The following NTF3 variants were observed in gnomAD, a reference collection of about 807,000 sequenced individuals.
NTF3 encodes neurotrophin 3.
A neutral mutation model predicts 26.3 loss-of-function variants in NTF3; 8 were observed. The observed-to-expected ratio is 0.30, with a 90% CI of 0.18 to 0.55. The LOEUF (loss-of-function observed/expected upper bound fraction) is 0.55. Among genes scored for constraint, NTF3 ranks in the 20% least tolerant of loss-of-function variants. The pLI, the probability that NTF3 is intolerant of heterozygous loss-of-function variation, is 0.93. For missense variants in NTF3, 276 were observed against 352.9 expected (o/e 0.78, Z 1.75); for synonymous variants, 154 against 145.5 (o/e 1.06, Z -0.42).
intron 1 of NTF3, among the ~76,000 whole-genome samples, chr12:5,480,350 G>T (rs1238180250): frequency 1.3e-5 from 2 of 152,208 alleles, no homozygotes; most frequent in African/African-American, 4.8e-5. Flanking sequence ...AGCCTCGGGA[G>T]GAGGGGGAGC....
Position 5,494,727 on chromosome 12 carries a change from C to A in NTF3, c.552C>A (p.His184Gln). Reference sequence around the variant, plus strand: ...CATCGGCCATCGACATTCGGGGACACCAGGTCACGGTGCTGGGGGAGATCA... The same window carrying A: ...CATCGGCCATCGACATTCGGGGACAACAGGTCACGGTGCTGGGGGAGATCA... ...DKSSAIDIRG[H>Q]QVTVLGEIKT... Residue 184 changes from histidine (H) to glutamine (Q), a missense_variant, in exon 2 of 2, where the codon CAC (histidine) becomes CAA (glutamine). Coordinates refer to ENST00000423158, the MANE Select transcript of NTF3 (RefSeq NM_001102654.2). This position sits in a 1 kb window ranked among gnomAD's most constrained non-coding sequence, Gnocchi z 8.3. The A allele has an allele frequency of 1.2e-6, 2 of 1,614,122 alleles. No homozygotes were observed. The highest frequency in any genetic ancestry group is 1.7e-6 in the Non-Finnish European group (2 of 1,180,030).
chr12:5,443,516 A>T (rs185777679), intron 1 of NTF3, among the ~76,000 whole-genome samples: 11 of 152,322 alleles, frequency 7.2e-5, no homozygotes, highest in African/African-American at 2.6e-4. Context: ...TCCTCTCCAG[A>T]GCTTTCCTGG....
chr12:5,435,846 A>C (rs1940161520), intron 1 of NTF3, among the ~76,000 whole-genome samples: 1 of 152,160 alleles, frequency 6.6e-6, no homozygotes, highest in Admixed American at 6.5e-5. Context: ...AGGTGCGTGC[A>C]CATGCACTTT....
chr12:5,464,549 G>C (rs1940564999), intron 1 of NTF3, among the ~76,000 whole-genome samples: 1 of 152,168 alleles, frequency 6.6e-6, no homozygotes. Flanking sequence ...CATAGGTTGA[G>C]GAGCATCTCC....
intron 1 of NTF3, among the ~76,000 whole-genome samples, chr12:5,488,059 A>C (rs1247286379): frequency 6.6e-6 from 1 of 152,170 alleles, no homozygotes; most frequent in Non-Finnish European, 1.5e-5. Flanking sequence ...AATGAGGTGG[A>C]GGACACAGAG....
At chr12:5,448,166 A>G (rs1320782654) in intron 1 of NTF3, among the ~76,000 whole-genome samples, 3 of 152,218 alleles carry the variant, frequency 2.0e-5, no homozygotes, top group Non-Finnish European at 4.4e-5. Flanking sequence ...AGATTCCGCT[A>G]CCACAATGTC....
At chr12:5,432,105 G>C (rs943928823), upstream of NTF3, 32 of 618,996 alleles carry the variant, frequency 5.2e-5, no homozygotes, top group East Asian at 1.1e-4. Flanking sequence ...TTCTGTTCAC[G>C]GGACTCAGAG....
rs980918192 is a variant in NTF3 at position 5,473,322 on chromosome 12, C to A, written c.19-20872C>A. Among the ~76,000 whole-genome samples, 6 of 152,308 alleles carry A rather than the reference C, an allele frequency of 3.9e-5. No individual in the cohort carries two copies. The South Asian group carries it at 1.2e-3, about 32-fold the overall frequency. ...AGATAGCAAGGAAATGTGGGCCCTG[C>A]CCTCAGGAACTTGAAATCCGGTAGT... On this transcript the variant is annotated intron_variant, in intron 1 of 1. Coordinates refer to ENST00000423158, the MANE Select transcript of NTF3 (RefSeq NM_001102654.2).
At chr12:5,451,078 C>T (rs1591594766) in intron 1 of NTF3, among the ~76,000 whole-genome samples, 1 of 152,162 alleles carries the variant, frequency 6.6e-6, no homozygotes, top group African/African-American at 2.4e-5. Flanking sequence ...TTTTCCTTCC[C>T]TTCAATCCCT....
chr12:5,494,819 A>C lies in NTF3; in HGVS notation c.644A>C (p.Lys215Thr). Residue 215 changes from lysine (K) to threonine (T), a missense_variant, in exon 2 of 2, where the codon AAA (lysine) becomes ACA (threonine). By Grantham distance (78) the Lys-to-Thr change is moderately conservative (BLOSUM62 -1). Transcript: ENST00000423158. The surrounding 1 kb of genome is among the most constrained non-coding windows in gnomAD (Gnocchi z 8.3). ...CGATGTAAGGAAGCCAGGCCGGTCA[A>C]AAACGGTTGCAGGGGTATTGATGAT... ...ETRCKEARPV[K>T]NGCRGIDDKH... 3.1e-6 allele frequency: 5 copies of C among 1,614,154 alleles called. No homozygotes were observed. Among genetic ancestry groups the C allele is most frequent in the Non-Finnish European group, 4.2e-6 (5 of 1,180,036 alleles).
Position 5,494,719 on chromosome 12 carries a change from C to A in NTF3, c.544C>A (p.Arg182=). The change falls in exon 2 of 2, where the codon CGG becomes AGG. Residue 182 remains arginine, a synonymous_variant. Transcript: ENST00000423158. This position sits in a 1 kb window ranked among gnomAD's most constrained non-coding sequence, Gnocchi z 8.3. ...VTDKSSAIDI[R]GHQVTVLGEI... ...CGACAAGTCATCGGCCATCGACATTCGGGGACACCAGGTCACGGTGCTGGG... is the reference window on the plus strand; with the variant it reads ...CGACAAGTCATCGGCCATCGACATTAGGGGACACCAGGTCACGGTGCTGGG... 2 of 1,614,162 alleles carry A rather than the reference C, an allele frequency of 1.2e-6. No homozygotes were observed. Among genetic ancestry groups the A allele is most frequent in the Non-Finnish European group, 1.7e-6 (2 of 1,180,048 alleles).
intron 1 of NTF3, among the ~76,000 whole-genome samples, chr12:5,446,084 C>T (rs912986774): frequency 1.3e-4 from 20 of 152,198 alleles, no homozygotes; most frequent in Admixed American, 9.8e-4. Flanking sequence ...TATGTGTCAT[C>T]GTAGTTCCCC....
chr12:5,433,093 G>C lies in NTF3; in HGVS notation c.18+751G>C, dbSNP rs1359979782. On this transcript the variant is annotated intron_variant, in intron 1 of 1. Coordinates refer to ENST00000423158, the MANE Select transcript of NTF3 (RefSeq NM_001102654.2). This position sits in a 1 kb window ranked among gnomAD's most constrained non-coding sequence, Gnocchi z 4.6. The stretch of plus-strand genomic sequence containing the variant: ...TCCCCGAAAGGGTTTTTTCAGAAAA[G>C]ACCTCGCGCCCCGGGCTCCTCTTGG... 1 of 152,302 alleles carries C rather than the reference G, an allele frequency of 6.6e-6. No homozygotes were observed. The highest frequency in any genetic ancestry group is 6.5e-5 in the Admixed American group (1 of 15,286). 9.4% of individuals were successfully genotyped at this position (152,302 alleles called of 1,614,324 possible). A position where few individuals can be genotyped will look rare whatever the true frequency, so the allele number is the denominator to read the frequency against.
intron 1 of NTF3, among the ~76,000 whole-genome samples, chr12:5,473,038 T>G (rs2121213921): frequency 6.6e-6 from 1 of 152,296 alleles, no homozygotes; most frequent in African/African-American, 2.4e-5. Context: ...TCCCGTCTTG[T>G]TTAGTTCAAA....
intron 1 of NTF3, among the ~76,000 whole-genome samples, chr12:5,483,041 C>T (rs1940826681): frequency 6.6e-6 from 1 of 151,908 alleles, no homozygotes; most frequent in African/African-American, 2.4e-5. Context: ...ATCTCTGTCT[C>T]TTTCTCTTTT....
chr12:5,488,615 A>C (rs2121250577), intron 1 of NTF3, among the ~76,000 whole-genome samples: 1 of 152,308 alleles, frequency 6.6e-6, no homozygotes, highest in Non-Finnish European at 1.5e-5. Context: ...CCAGTCTTTT[A>C]TATATGGCCT....
At chr12:5,465,729 T>C (rs1474751406) in intron 1 of NTF3, among the ~76,000 whole-genome samples, 1 of 152,226 alleles carries the variant, frequency 6.6e-6, no homozygotes, top group South Asian at 2.1e-4. Flanking sequence ...CACCACACTG[T>C]GCTGTCCAGC....
At chr12:5,441,821 G>A (rs7311991) in intron 1 of NTF3, among the ~76,000 whole-genome samples, 1,522 of 152,148 alleles carry the variant, frequency 0.01, 18 homozygotes, top group African/African-American at 0.034. Flanking sequence ...CTGTCCCAAG[G>A]CTAAGGTCAT....
intron 1 of NTF3, among the ~76,000 whole-genome samples, chr12:5,473,583 A>T (rs1414291258): frequency 6.6e-6 from 1 of 152,248 alleles, no homozygotes; most frequent in Non-Finnish European, 1.5e-5. Context: ...TTAGAGCTGT[A>T]GGGCCAGGAA....
Sources: gnomAD v4.1 joint callset for allele counts (sites outside exome capture counted in the v4.1 genomes callset) on GRCh38, gnomAD v4.1.1 for gene constraint, Gnocchi (gnomAD v3.1) non-coding constraint, MANE v1.5 for transcripts, NCBI Gene and HGNC (gene_info 2026-07-23, HGNC 2026-07-21) for gene names.